KCTD5: variants seen among roughly 807,000 people sequenced by gnomAD.
KCTD5 encodes the protein BTB/POZ domain-containing protein KCTD5.
Under a neutral mutation model 27.9 loss-of-function variants are expected in KCTD5, and 12 were observed. That is an observed-to-expected ratio of 0.43 (90% confidence interval 0.28 to 0.70). The LOEUF is 0.70. Ranked by LOEUF, KCTD5 falls within the 30% of genes least tolerant of loss-of-function variation. The pLI is 0.19. For synonymous variants in KCTD5, 147 were observed against 121.4 expected, an observed-to-expected ratio of 1.21 and a Z score of -1.39; for missense variants, 226 against 274.8, an observed-to-expected ratio of 0.82 and a Z score of 1.26.
At chr16:2,698,094 C>A in intron 3 of KCTD5, 97 bp downstream of exon 3, 1 of 808,486 alleles carries the variant, frequency 1.2e-6, no homozygotes, top group Non-Finnish European at 2.1e-6. Flanking sequence ...ATAAGTCCTG[C>A]GGTCTGGGGC....
intron 3 of KCTD5, 136 bp from the exon 4 acceptor site, chr16:2,699,685 G>A (rs1365609553): frequency 2.9e-6 from 2 of 699,176 alleles, no homozygotes; most frequent in Admixed American, 4.6e-5. Context: ...GATGTGCTCA[G>A]GATTGCTTTG....
intron 1 of KCTD5, among the ~76,000 whole-genome samples, chr16:2,693,256 G>C (rs962888978): frequency 1.3e-5 from 2 of 152,202 alleles, no homozygotes. Context: ...AGTGGGGTCT[G>C]TTCGCCTCCT....
chr16:2,682,844 G>GCCTGCGGCTCCTGCACACGC, intron 1 of KCTD5, 44 bp downstream of exon 1: 1 of 1,534,604 alleles, frequency 6.5e-7, no homozygotes, highest in Non-Finnish European at 8.7e-7. Flanking sequence ...GGCCTTCCCG[G>GCCTGCGGCTCCTGCACACGC]CCTGCGGCTC....
chr16:2,691,904 C>G (rs1237414056), intron 1 of KCTD5, among the ~76,000 whole-genome samples: 4 of 152,198 alleles, frequency 2.6e-5, no homozygotes. Flanking sequence ...GGCTGCTGGC[C>G]CCTGAGCACA....
chr16:2,690,700 C>T (rs953479728), intron 1 of KCTD5, among the ~76,000 whole-genome samples: 4 of 152,298 alleles, frequency 2.6e-5, no homozygotes, highest in African/African-American at 7.2e-5. Flanking sequence ...GTGAGCGGGC[C>T]GGGGCATCTT....
At position 2,699,896 on chromosome 16, in the gene KCTD5, G is replaced by C. The variant is rs1421155005; in HGVS notation, c.529G>C (p.Asp177His). The C allele has an allele frequency of 6.2e-7, 1 of 1,613,854 alleles. No individual in the cohort carries two copies. Among genetic ancestry groups the C allele is most frequent in the Non-Finnish European group, 8.5e-7 (1 of 1,179,936 alleles). Residue 177 changes from aspartate to histidine, a missense_variant, in exon 4 of 6, where the codon GAC becomes CAC. By Grantham distance (81) the Asp-to-His change is moderately conservative. Around this residue, in one of 2 missense-constraint regions of KCTD5, gnomAD observed 135 missense variants for 207.0 expected, o/e 0.65. Coordinates refer to ENST00000301738, the MANE Select transcript of KCTD5 (RefSeq NM_018992.4). ...CACGCAGATGGTGTCCACCATGTCC[G>C]ACGGCTGGAAGTTCGAGCAGGTGAG... ...ELTQMVSTMS[D>H]GWKFEQLVSI...
chr16:2,699,027 G>A, intron 3 of KCTD5: 1 of 420,702 alleles, frequency 2.4e-6, no homozygotes, highest in Non-Finnish European at 4.8e-6. Context: ...GCAGAATAAA[G>A]CAACTCGGGC....
chr16:2,705,066 G>A (rs1308468840), intron 5 of KCTD5, among the ~76,000 whole-genome samples: 2 of 152,222 alleles, frequency 1.3e-5, no homozygotes, highest in African/African-American at 2.4e-5. Flanking sequence ...GTTTGGGCCC[G>A]GGGCACCCGC....
At chr16:2,697,851 G>A (rs957165801) in intron 2 of KCTD5, 55 bp from the exon 3 acceptor site, 13 of 1,278,984 alleles carry the variant, frequency 1.0e-5, no homozygotes, top group Non-Finnish European at 1.5e-5. Flanking sequence ...TGTAAAGCGT[G>A]GATTCTTTGG....
intron 5 of KCTD5, among the ~76,000 whole-genome samples, chr16:2,703,865 C>G (rs1221179257): frequency 6.6e-6 from 1 of 152,146 alleles, no homozygotes; most frequent in African/African-American, 2.4e-5. Flanking sequence ...ATTTGAGTCT[C>G]GGATCTAGGA....
At chr16:2,697,473 C>T (rs542766121) in intron 2 of KCTD5, among the ~76,000 whole-genome samples, 1 of 152,372 alleles carries the variant, frequency 6.6e-6, no homozygotes, top group Admixed American at 6.5e-5. Flanking sequence ...CACAGCACCC[C>T]ACCCAGTGGC....
At chr16:2,704,279 C>T (rs1404303289) in intron 5 of KCTD5, among the ~76,000 whole-genome samples, 4 of 152,206 alleles carry the variant, frequency 2.6e-5, no homozygotes, top group African/African-American at 7.2e-5. Context: ...GCTGGAGGAC[C>T]GTGATGGGGG....
chr16:2,703,881 C>A (rs2067623301), intron 5 of KCTD5, among the ~76,000 whole-genome samples: 1 of 152,210 alleles, frequency 6.6e-6, no homozygotes, highest in Non-Finnish European at 1.5e-5. Flanking sequence ...TAGGAGGCGA[C>A]CCCTGGCTCC....
In KCTD5 at chr16:2,693,003, C is replaced by T. The variant is rs748017690; in HGVS notation, c.253-2932C>T. Among the ~76,000 whole-genome samples the T allele has an allele frequency of 9.8e-4, 150 of 152,328 alleles. 3 individuals carry two copies. The highest frequency in any genetic ancestry group is 3.4e-4 in the Non-Finnish European group (23 of 68,012). On this transcript the variant is annotated intron_variant, in intron 1 of 5. Transcript: ENST00000301738. The stretch of plus-strand genomic sequence containing the variant: ...GTCTGCAGCCATAGTTTGGGTGGGG[C>T]GAACCCCAGGGCTGCAGCCCCAGGC...
chr16:2,699,913 G>A lies in KCTD5; in HGVS notation c.546G>A (p.Glu182=). Residue 182 remains glutamate (E), a synonymous_variant, in exon 4 of 6, where the codon GAG becomes GAA. Coordinates refer to ENST00000301738, the MANE Select transcript of KCTD5 (RefSeq NM_018992.4). The part of the protein sequence containing the change: ...VSTMSDGWKF[E]QLVSIGSSYN... Reference sequence around the variant, plus strand: ...CCATGTCCGACGGCTGGAAGTTCGAGCAGGTGAGGGGCCCTGGCCAGCCTG... The same window carrying A: ...CCATGTCCGACGGCTGGAAGTTCGAACAGGTGAGGGGCCCTGGCCAGCCTG... The A allele has an allele frequency of 6.2e-7, 1 of 1,613,670 alleles. No individual in the cohort carries two copies. The highest frequency in any genetic ancestry group is 1.6e-4 in the Middle Eastern group (1 of 6,062).
intron 2 of KCTD5, chr16:2,697,389 CT>C (rs1333879119): frequency 6.5e-6 from 1 of 154,624 alleles, no homozygotes; most frequent in Non-Finnish European, 1.4e-5. Context: ...CAGCCACAGT[CT>C]TCCCTTTGAA....
chr16:2,707,863 G>C lies in KCTD5; in HGVS notation c.*536G>C, dbSNP rs1019655485. On this transcript the variant is annotated 3_prime_UTR_variant, in exon 6 of 6. Coordinates refer to ENST00000301738, the MANE Select transcript of KCTD5 (RefSeq NM_018992.4). ...TCCTGACAAAGGCGGCTTCTGCGTC[G>C]TCACTGCTTCCCGGCGCCATTCCGA... is the stretch of plus-strand genomic sequence containing the variant. 5.4e-6 allele frequency: 1 copy of C among 185,040 alleles called. No homozygotes were observed. The highest frequency in any genetic ancestry group is 2.3e-5 in the African/African-American group (1 of 42,666). 11.5% of individuals were successfully genotyped at this position (185,040 alleles called of 1,614,324 possible). A position where few individuals can be genotyped will look rare whatever the true frequency, so the allele number is the denominator to read the frequency against.
rs370286413 is a variant in KCTD5 at position 2,707,362 on chromosome 16, C to T, written c.*35C>T. 12 of 1,608,978 alleles carry T rather than the reference C, an allele frequency of 7.5e-6. No homozygotes were observed. The highest frequency in any genetic ancestry group is 4.4e-5 in the South Asian group (4 of 90,998). On this transcript the variant is annotated 3_prime_UTR_variant, in exon 6 of 6. Transcript: ENST00000301738. ...TATTGACAGCTGAAGAAATGATTTA[C>T]GTTTTCCCGAGATGTAATGAACTGC...
intron 1 of KCTD5, among the ~76,000 whole-genome samples, chr16:2,688,712 T>G (rs1410649036): frequency 9.7e-6 from 1 of 103,198 alleles, no homozygotes; most frequent in African/African-American, 4.0e-5. Context: ...CCAGTCCCCC[T>G]GCTGCCACCC....
Sources: allele counts gnomAD v4.1 joint callset (sites outside exome capture counted in the v4.1 genomes callset), GRCh38; gene constraint gnomAD v4.1.1; regional missense constraint gnomAD v4.1.1; transcripts MANE v1.5; gene names NCBI Gene and HGNC (gene_info 2026-07-23, HGNC 2026-07-21).